Variants in ING2 observed in about 807,000 individuals in gnomAD.
ING2 encodes inhibitor of growth protein 2.
Under a neutral mutation model 30.6 loss-of-function variants are expected in ING2, and 7 were observed. The observed-to-expected ratio is 0.23, with a 90% CI of 0.13 to 0.43. The LOEUF is 0.43. Ranked by LOEUF, ING2 falls within the 20% of genes least tolerant of loss-of-function variation. The pLI, the probability that ING2 is intolerant of heterozygous loss-of-function variation, is 1.00. For synonymous variants in ING2, 136 were observed against 121.7 expected (o/e 1.12, Z -0.78); for missense variants, 239 against 334.9 (o/e 0.71, Z 2.24).
At chr4:183,506,007 G>C (rs1272422619) in intron 1 of ING2, 1 of 860,890 alleles carries the variant, frequency 1.2e-6, no homozygotes, top group African/African-American at 1.9e-5. Flanking sequence ...TCCCCCGCGG[G>C]AGAGGAAGAG....
At chr4:183,508,158 TGGA>T (rs1734722322) in intron 1 of ING2, among the ~76,000 whole-genome samples, 1 of 152,020 alleles carries the variant, frequency 6.6e-6, no homozygotes, top group African/African-American at 2.4e-5. Flanking sequence ...GGGGTTGCTG[TGGA>T]GATTAACTGA....
At position 183,510,848 on chromosome 4, in the gene ING2, T is replaced by C. The variant is rs1402381526; in HGVS notation, c.739T>C (p.Tyr247His). 1.2e-6 allele frequency: 2 copies of C among 1,614,132 alleles called. No individual in the cohort carries two copies. Among genetic ancestry groups the C allele is most frequent in the South Asian group, 1.1e-5 (1 of 91,080 alleles). The change falls in exon 2 of 2, where the codon TAT becomes CAT. Residue 247 changes from tyrosine to histidine, a missense_variant. Tyr to His is a moderately conservative substitution (Grantham distance 83). This residue lies in a region of ING2 where 22 missense variants were observed against 77.0 expected (regional missense o/e 0.29). Coordinates refer to ENST00000302327, the MANE Select transcript of ING2 (RefSeq NM_001564.4). ...WFHFSCVSLT[Y>H]KPKGKWYCPK... is the part of the protein sequence containing the mutation. ...TCACTTTTCATGTGTTTCACTTACC[T>C]ATAAACCAAAGGGGAAATGGTATTG...
rs1258497429 is a variant in ING2, at chr4:183,511,756, C to G, written c.*804C>G. The stretch of plus-strand genomic sequence containing the variant: ...AAGGTTGAACAATTTAAAAATACAT[C>G]TTAATTAATAGTATTTTCCATGTGA... On this transcript the variant is annotated 3_prime_UTR_variant, in exon 2 of 2. Transcript: ENST00000302327. 6.6e-6 allele frequency among the ~76,000 whole-genome samples: 1 copy of G among 152,166 alleles called. No homozygotes were observed. The highest frequency in any genetic ancestry group is 2.4e-5 in the African/African-American group (1 of 41,430).
At position 183,511,863 on chromosome 4, in the gene ING2, G is replaced by T. The variant is rs1162938265; in HGVS notation, c.*911G>T. Among the ~76,000 whole-genome samples the T allele has an allele frequency of 1.3e-5, 2 of 152,222 alleles. No homozygotes were observed. Among genetic ancestry groups the T allele is most frequent in the African/African-American group, 4.8e-5 (2 of 41,462 alleles). Reference sequence around the variant, plus strand: ...CTTTAAATATTGCCTTTATGTCAGAGAGTTGTTTTAAATGGTTTTGCTAGT... The same window carrying T: ...CTTTAAATATTGCCTTTATGTCAGATAGTTGTTTTAAATGGTTTTGCTAGT... On this transcript the variant is annotated 3_prime_UTR_variant, in exon 2 of 2. Transcript: ENST00000302327.
intron 1 of ING2, among the ~76,000 whole-genome samples, chr4:183,508,952 C>G (rs1464452571): frequency 2.6e-5 from 4 of 152,132 alleles, no homozygotes; most frequent in Admixed American, 1.3e-4. Context: ...ATCAGCAGTT[C>G]AGAAAGCTCA....
At chr4:183,506,469 A>G (rs1399098884) in intron 1 of ING2, among the ~76,000 whole-genome samples, 1 of 152,196 alleles carries the variant, frequency 6.6e-6, no homozygotes, top group East Asian at 1.9e-4. Context: ...AACCCGGGAC[A>G]GAATCGACCT....
intron 1 of ING2, among the ~76,000 whole-genome samples, chr4:183,510,037 C>G (rs1312369829): frequency 1.3e-5 from 2 of 151,996 alleles, no homozygotes; most frequent in Non-Finnish European, 2.9e-5. Context: ...CGCCCAGCCT[C>G]TTTTTAATAT....
chr4:183,506,422 T>C (rs544568377), intron 1 of ING2: 2 of 838,458 alleles, frequency 2.4e-6, no homozygotes, highest in Non-Finnish European at 3.5e-6. Flanking sequence ...CGACTTTAAG[T>C]GTGGAGGCGA....
intron 1 of ING2, among the ~76,000 whole-genome samples, chr4:183,509,169 G>T (rs1209315879): frequency 6.6e-6 from 1 of 152,218 alleles, no homozygotes; most frequent in African/African-American, 2.4e-5. Flanking sequence ...TCTTTGTTAA[G>T]AATGTATGAT....
At chr4:183,505,487 G>C in intron 1 of ING2, 120 bp downstream of exon 1, 1 of 997,138 alleles carries the variant, frequency 1.0e-6, no homozygotes, top group Non-Finnish European at 1.4e-6. Context: ...TGCCGAGCGG[G>C]ACTGGGAGGA....
chr4:183,508,451 C>T (rs775397489), intron 1 of ING2, among the ~76,000 whole-genome samples: 1 of 151,774 alleles, frequency 6.6e-6, no homozygotes, highest in Non-Finnish European at 1.5e-5. Flanking sequence ...GCTTAGATGC[C>T]GAGCTAAGCA....
chr4:183,508,239 C>T (rs564817654), intron 1 of ING2, among the ~76,000 whole-genome samples: 16 of 152,064 alleles, frequency 1.1e-4, no homozygotes, highest in Middle Eastern at 3.4e-3. Flanking sequence ...CTATATAATA[C>T]GGTATCTTAC....
At chr4:183,507,874 A>G (rs1579168645) in intron 1 of ING2, among the ~76,000 whole-genome samples, 1 of 152,324 alleles carries the variant, frequency 6.6e-6, no homozygotes, top group East Asian at 1.9e-4. Context: ...TGAGAAATAA[A>G]GAAGAAAACA....
chr4:183,511,909 C>G lies in ING2; in HGVS notation c.*957C>G, dbSNP rs1452836023. On this transcript the variant is annotated 3_prime_UTR_variant, in exon 2 of 2. Transcript: ENST00000302327. ...CTAGTGGTTATTGTTCATTTCTGTCCCAATCAGTGACTATTTTAAATAATA... is the reference window on the plus strand; with the variant it reads ...CTAGTGGTTATTGTTCATTTCTGTCGCAATCAGTGACTATTTTAAATAATA... Among the ~76,000 whole-genome samples the G allele has an allele frequency of 1.3e-5, 2 of 152,094 alleles. No individual in the cohort carries two copies. The highest frequency in any genetic ancestry group is 4.8e-5 in the African/African-American group (2 of 41,412).
intron 1 of ING2, chr4:183,505,977 A>C: frequency 1.6e-6 from 1 of 622,040 alleles, no homozygotes; most frequent in Non-Finnish European, 2.2e-6. Flanking sequence ...CTTTCGGCAA[A>C]ATGGTTAAGA....
At position 183,510,867 on chromosome 4, in the gene ING2, G is replaced by A; in HGVS notation, c.758G>A (p.Trp253Ter). 2 of 1,614,076 alleles carry A rather than the reference G, an allele frequency of 1.2e-6. No individual in the cohort carries two copies. Among genetic ancestry groups the A allele is most frequent in the Non-Finnish European group, 1.7e-6 (2 of 1,179,960 alleles). ...VSLTYKPKGK[W>*]YCPKCRGDNE... is the part of the protein sequence containing the mutation. ...CTTACCTATAAACCAAAGGGGAAAT[G>A]GTATTGCCCAAAGTGCAGGGGAGAT... Residue 253 changes from tryptophan to a stop codon, truncating the protein, a stop_gained, in exon 2 of 2, where the codon TGG (tryptophan) becomes TAG (stop). Coordinates refer to ENST00000302327, the MANE Select transcript of ING2 (RefSeq NM_001564.4). LOFTEE classifies it high-confidence loss of function.
At chr4:183,508,118 T>C (rs1712073195) in intron 1 of ING2, among the ~76,000 whole-genome samples, 1 of 152,004 alleles carries the variant, frequency 6.6e-6, no homozygotes, top group Admixed American at 6.6e-5. Context: ...TTGCAGTTTT[T>C]TTCACAAGCA....
intron 1 of ING2, among the ~76,000 whole-genome samples, chr4:183,507,499 GA>G (rs1259043973): frequency 2.0e-5 from 3 of 152,170 alleles, no homozygotes; most frequent in African/African-American, 7.2e-5. Context: ...TGTTGACAGG[GA>G]AATCTTTCGG....
In ING2 at chr4:183,511,516, C is replaced by G. The variant is rs989086499; in HGVS notation, c.*564C>G. Among the ~76,000 whole-genome samples the G allele has an allele frequency of 6.6e-6, 1 of 152,178 alleles. No individual in the cohort carries two copies. Among genetic ancestry groups the G allele is most frequent in the Non-Finnish European group, 1.5e-5 (1 of 68,034 alleles). ...GGAATAATGTGCTCTTATGAGAGTA[C>G]GTGCTGCTGTCTTTTGCTTAGTAGC... On this transcript the variant is annotated 3_prime_UTR_variant, in exon 2 of 2. Transcript: ENST00000302327.
Sources: gnomAD v4.1 joint callset for allele counts (sites outside exome capture counted in the v4.1 genomes callset) on GRCh38, gnomAD v4.1.1 for gene constraint, gnomAD v4.1.1 regional missense constraint, MANE v1.5 for transcripts, NCBI Gene and HGNC (gene_info 2026-07-23, HGNC 2026-07-21) for gene names.